The following AGAP1 variants were observed in gnomAD, a reference collection of about 807,000 sequenced individuals.
The protein encoded by AGAP1 is arf-GAP with GTPase, ANK repeat and PH domain-containing protein 1.
Under a neutral mutation model 105.3 loss-of-function variants are expected in AGAP1, and 29 were observed. The observed-to-expected ratio is 0.28, with a 90% CI of 0.21 to 0.38. AGAP1 has a LOEUF of 0.38. Ranked by LOEUF, AGAP1 falls within the 10% of genes least tolerant of loss-of-function variation. AGAP1 has a pLI of 1.00. For missense variants in AGAP1, 998 were observed against 1,165.1 expected (o/e 0.86, Z 2.09); for synonymous variants, 509 against 485.9 (o/e 1.05, Z -0.63).
Position 235,930,682 on chromosome 2 carries a change from C to A in AGAP1, c.1325-83C>A, listed in dbSNP as rs2052678716. On this transcript the variant is annotated intron_variant, in intron 11 of 17. Coordinates refer to ENST00000304032, the MANE Select transcript of AGAP1 (RefSeq NM_001037131.3). This position sits in a 1 kb window ranked among gnomAD's most constrained non-coding sequence, Gnocchi z 7.9. ...GGTGGTAAGGTGCACTATGTGCCAG[C>A]GTGTGGGTCCCATAGACTAACTCGC... 1 of 1,410,594 alleles carries A rather than the reference C, an allele frequency of 7.1e-7. No homozygotes were observed. Among genetic ancestry groups the A allele is most frequent in the South Asian group, 1.3e-5 (1 of 75,066 alleles). The allele number at this position is 1,410,594 out of a possible 1,614,324, so 87.4% of individuals were successfully genotyped here.
intron 1 of AGAP1, among the ~76,000 whole-genome samples, chr2:235,604,541 C>T (rs1452734708): frequency 2.0e-5 from 3 of 147,048 alleles, no homozygotes; most frequent in African/African-American, 7.5e-5. Flanking sequence ...CTTTAGGTTG[C>T]ACATTCGTGT....
intron 16 of AGAP1, among the ~76,000 whole-genome samples, chr2:236,108,679 G>C (rs561571820): frequency 6.6e-6 from 1 of 152,146 alleles, no homozygotes; most frequent in Non-Finnish European, 1.5e-5. Context: ...CTTTCGGGAA[G>C]GGGTGTTGCT....
At position 236,126,805 on chromosome 2, in the gene AGAP1, G is replaced by A. The variant is rs961753176; in HGVS notation, c.*2683G>A. The A allele has an allele frequency of 2.6e-5, 4 of 152,190 alleles. No individual in the cohort carries two copies. Among genetic ancestry groups the A allele is most frequent in the African/African-American group, 9.7e-5 (4 of 41,450 alleles). The allele number at this position is 152,190 out of a possible 1,614,324, so 9.4% of individuals were successfully genotyped here. A position where few individuals can be genotyped will look rare whatever the true frequency, so the allele number is the denominator to read the frequency against. ...GGGGCAGCTTTGCCCAGAGCTCGTT[G>A]GCAGTCTGTTTGTATTTCAGTGTCT... On this transcript the variant is annotated 3_prime_UTR_variant, in exon 18 of 18. Transcript: ENST00000304032.
chr2:235,864,256 C>T lies in AGAP1; in HGVS notation c.1051-19089C>T, dbSNP rs367707888. Among the ~76,000 whole-genome samples, 133 of 152,306 alleles carry T rather than the reference C, an allele frequency of 8.7e-4. No homozygotes were observed. Among genetic ancestry groups the T allele is most frequent in the Non-Finnish European group, 1.3e-3 (91 of 68,036 alleles). Reference sequence around the variant, plus strand: ...ATATCCATGTGCCACTGTGTAGTCCCGTGAACTCTGCATTTTCGCAGAATG... The same window carrying T: ...ATATCCATGTGCCACTGTGTAGTCCTGTGAACTCTGCATTTTCGCAGAATG... On this transcript the variant is annotated intron_variant, in intron 9 of 17. Coordinates refer to ENST00000304032, the MANE Select transcript of AGAP1 (RefSeq NM_001037131.3). This position sits in a 1 kb window ranked among gnomAD's most constrained non-coding sequence, Gnocchi z 5.0.
rs1368736942 is a variant in AGAP1 at position 235,719,496 on chromosome 2, T to A, written c.310+1852T>A. ...CAAAAGGAAGGATTGTGGGGTGACC[T>A]AAACTGATCACTAACATCCCTGCTT... On this transcript the variant is annotated intron_variant, in intron 3 of 17. Coordinates refer to ENST00000304032, the MANE Select transcript of AGAP1 (RefSeq NM_001037131.3). The surrounding 1 kb of genome is among the most constrained non-coding windows in gnomAD (Gnocchi z 4.9). 6.6e-6 allele frequency among the ~76,000 whole-genome samples: 1 copy of A among 152,246 alleles called. No individual in the cohort carries two copies. The highest frequency in any genetic ancestry group is 1.9e-4 in the East Asian group (1 of 5,196).
At chr2:235,890,828 TAAAACTTTCACCA>T (rs1165582682) in intron 10 of AGAP1, among the ~76,000 whole-genome samples, 2 of 150,472 alleles carry the variant, frequency 1.3e-5, no homozygotes, top group African/African-American at 4.9e-5. Flanking sequence ...ATGTGAGCTC[TAAAACTTTCACCA>T]AAAACTCTCA....
At chr2:235,946,412 C>T (rs955737942) in intron 12 of AGAP1, among the ~76,000 whole-genome samples, 1 of 151,822 alleles carries the variant, frequency 6.6e-6, no homozygotes, top group Non-Finnish European at 1.5e-5. Flanking sequence ...TCAGGTGATC[C>T]ACCTGCCTCG....
rs2057579853 is a variant in AGAP1, at chr2:236,042,487, A to G, written c.1891+1646A>G. On this transcript the variant is annotated intron_variant, in intron 15 of 17. Coordinates refer to ENST00000304032, the MANE Select transcript of AGAP1 (RefSeq NM_001037131.3). The surrounding 1 kb of genome is among the most constrained non-coding windows in gnomAD (Gnocchi z 5.6). ...TTCGAAGAGAGAAGCAGTTATTTGAAGTGTGTTTCTATCAAAAAGTTTTAA... is the reference window on the plus strand; with the variant it reads ...TTCGAAGAGAGAAGCAGTTATTTGAGGTGTGTTTCTATCAAAAAGTTTTAA... 6.6e-6 allele frequency among the ~76,000 whole-genome samples: 1 copy of G among 152,232 alleles called. No individual in the cohort carries two copies. The highest frequency in any genetic ancestry group is 1.5e-5 in the Non-Finnish European group (1 of 68,036).
intron 16 of AGAP1, among the ~76,000 whole-genome samples, chr2:236,077,875 C>G (rs1177486447): frequency 6.6e-6 from 1 of 152,208 alleles, no homozygotes; most frequent in Non-Finnish European, 1.5e-5. Context: ...CTGTGCTGCT[C>G]TCCAGAAGGG....
chr2:236,107,327 G>T (rs1466158294), intron 16 of AGAP1, among the ~76,000 whole-genome samples: 3 of 152,180 alleles, frequency 2.0e-5, no homozygotes, highest in African/African-American at 7.2e-5. Context: ...ACACCAAACA[G>T]ACCCTTGGGT....
Position 235,979,802 on chromosome 2 carries a change from A to G in AGAP1, c.1645+11179A>G, listed in dbSNP as rs927375758. 3.3e-5 allele frequency among the ~76,000 whole-genome samples: 5 copies of G among 152,170 alleles called. No individual in the cohort carries two copies. The highest frequency in any genetic ancestry group is 1.2e-4 in the African/African-American group (5 of 41,436). On this transcript the variant is annotated intron_variant, in intron 13 of 17. Transcript: ENST00000304032. The surrounding 1 kb of genome is among the most constrained non-coding windows in gnomAD (Gnocchi z 4.5). ...TGCCTACTGCACACAGTTTAATTCT[A>G]TTTAATTTTTTTAAGTGGAAAAAAG...
At position 235,968,670 on chromosome 2, in the gene AGAP1, T is replaced by C. The variant is rs759136690; in HGVS notation, c.1645+47T>C. Reference sequence around the variant, plus strand: ...GGGAGAGAGTCTCCACTGCGGAAAATTCTCTGTTATTTTTCAAATGCGTGA... The same window carrying C: ...GGGAGAGAGTCTCCACTGCGGAAAACTCTCTGTTATTTTTCAAATGCGTGA... On this transcript the variant is annotated intron_variant, in intron 13 of 17. Coordinates refer to ENST00000304032, the MANE Select transcript of AGAP1 (RefSeq NM_001037131.3). The C allele has an allele frequency of 1.1e-5, 17 of 1,561,650 alleles. No homozygotes were observed. The African/African-American group carries it at 2.2e-4, about 20-fold the overall frequency.
chr2:236,076,684 TA>T lies in AGAP1; in HGVS notation c.2114+27405del, dbSNP rs913765023. Reference sequence around the variant, plus strand: ...ATTACAGAGGCTTCTTTGTGGCACTTAATAATTTCCCAAACCACTAAAGAGG... The same window carrying T: ...ATTACAGAGGCTTCTTTGTGGCACTTATAATTTCCCAAACCACTAAAGAGG... On this transcript the variant is annotated intron_variant, in intron 16 of 17. Transcript: ENST00000304032. The surrounding 1 kb of genome is among the most constrained non-coding windows in gnomAD (Gnocchi z 4.4). Among the ~76,000 whole-genome samples the T allele has an allele frequency of 1.3e-5, 2 of 151,134 alleles. No individual in the cohort carries two copies. The highest frequency in any genetic ancestry group is 4.9e-5 in the African/African-American group (2 of 40,456).
chr2:235,540,113 A>G (rs956739548), intron 1 of AGAP1, among the ~76,000 whole-genome samples: 2 of 147,026 alleles, frequency 1.4e-5, no homozygotes, highest in African/African-American at 5.1e-5. Context: ...GTTCCTCTCA[A>G]TCCGTTTGTT....
rs772173450 is a variant in AGAP1, at chr2:236,092,486, G to A, written c.2115-27706G>A. On this transcript the variant is annotated intron_variant, in intron 16 of 17. Coordinates refer to ENST00000304032, the MANE Select transcript of AGAP1 (RefSeq NM_001037131.3). This position sits in a 1 kb window ranked among gnomAD's most constrained non-coding sequence, Gnocchi z 4.7. The stretch of plus-strand genomic sequence containing the variant: ...CGTCTCACTGCAACCTCCGCCTCCC[G>A]GGTTCAAGCAATTCTCCTGCCTCAG... Among the ~76,000 whole-genome samples, 11 of 152,038 alleles carry A rather than the reference G, an allele frequency of 7.2e-5. No individual in the cohort carries two copies. The highest frequency in any genetic ancestry group is 1.2e-4 in the Non-Finnish European group (8 of 67,996).
chr2:235,785,798 A>G (rs1238833209), intron 6 of AGAP1, among the ~76,000 whole-genome samples: 1 of 152,170 alleles, frequency 6.6e-6, no homozygotes, highest in Non-Finnish European at 1.5e-5. Flanking sequence ...TTCATAGTTT[A>G]TCGTATTCCT....
At chr2:235,939,532 C>G (rs1559672543) in intron 12 of AGAP1, among the ~76,000 whole-genome samples, 1 of 151,848 alleles carries the variant, frequency 6.6e-6, no homozygotes, top group Non-Finnish European at 1.5e-5. Flanking sequence ...GCAGTTTCCA[C>G]CTCTCCTTCT....
chr2:235,637,638 A>C (rs542494106), intron 1 of AGAP1, among the ~76,000 whole-genome samples: 1 of 152,224 alleles, frequency 6.6e-6, no homozygotes, highest in East Asian at 1.9e-4. Flanking sequence ...AGTGGGCTGT[A>C]TGTTTCAGAA....
rs994808074 is a variant in AGAP1 at position 235,957,161 on chromosome 2, A to C, written c.1484-11301A>C. Among the ~76,000 whole-genome samples the C allele has an allele frequency of 1.3e-5, 2 of 152,242 alleles. No homozygotes were observed. Among genetic ancestry groups the C allele is most frequent in the Non-Finnish European group, 2.9e-5 (2 of 68,042 alleles). ...AAACTCTGTTCTTGAATTGGTGGTC[A>C]GAATATGTACTTTTTTCTTTGTAAG... On this transcript the variant is annotated intron_variant, in intron 12 of 17. Transcript: ENST00000304032. This position sits in a 1 kb window ranked among gnomAD's most constrained non-coding sequence, Gnocchi z 4.6.
Sources: gnomAD v4.1 joint callset for allele counts (sites outside exome capture counted in the v4.1 genomes callset) on GRCh38, gnomAD v4.1.1 for gene constraint, Gnocchi (gnomAD v3.1) non-coding constraint, MANE v1.5 for transcripts, NCBI Gene and HGNC (gene_info 2026-07-23, HGNC 2026-07-21) for gene names.